The following CCSER1 variants were observed in gnomAD, a reference collection of about 807,000 sequenced individuals.
CCSER1 encodes the protein coiled-coil serine rich protein 1.
Under a neutral mutation model 82.0 loss-of-function variants are expected in CCSER1, and 41 were observed. The ratio of observed to expected loss-of-function variants is 0.50; its 90% CI spans 0.39 to 0.65. The LOEUF (loss-of-function observed/expected upper bound fraction) is 0.65, where lower values mean the gene tolerates loss of function less well. Ranked by LOEUF, CCSER1 falls within the 30% of genes least tolerant of loss-of-function variation. The pLI, the probability that CCSER1 is intolerant of heterozygous loss-of-function variation, is 0.00. For missense variants in CCSER1, 1,119 were observed against 1,064.2 expected (o/e 1.05, Z -0.72); for synonymous variants, 414 against 383.9 (o/e 1.08, Z -0.92).
intron 3 of CCSER1, among the ~76,000 whole-genome samples, chr4:90,353,181 C>T (rs927370445): frequency 6.6e-6 from 1 of 151,910 alleles, no homozygotes; most frequent in Non-Finnish European, 1.5e-5. Flanking sequence ...ATTATTTATA[C>T]TGGGCATTTG....
chr4:91,211,734 A>G (rs1464946117), intron 10 of CCSER1, among the ~76,000 whole-genome samples: 1 of 152,072 alleles, frequency 6.6e-6, no homozygotes, highest in Non-Finnish European at 1.5e-5. Context: ...GGATAATAAT[A>G]TCTACTTCAT....
chr4:90,220,391 A>G (rs1028391279), intron 1 of CCSER1, among the ~76,000 whole-genome samples: 1 of 148,890 alleles, frequency 6.7e-6, no homozygotes, highest in African/African-American at 2.5e-5. Flanking sequence ...TTCTTCTATG[A>G]TTTTTTTTTT....
intron 10 of CCSER1, among the ~76,000 whole-genome samples, chr4:91,196,938 A>G (rs547556917): frequency 2.6e-5 from 4 of 152,244 alleles, no homozygotes; most frequent in Non-Finnish European, 4.4e-5. Flanking sequence ...TTTAGTGCCT[A>G]TATTGGTCAG....
chr4:90,624,215 C>G (rs17017292), intron 5 of CCSER1, among the ~76,000 whole-genome samples: 4,330 of 152,180 alleles, frequency 0.028, 120 homozygotes, highest in African/African-American at 0.068. Context: ...TGAAAGATGT[C>G]ATTGCACTAA....
At chr4:91,010,236 T>C (rs1738898004) in intron 9 of CCSER1, among the ~76,000 whole-genome samples, 1 of 152,202 alleles carries the variant, frequency 6.6e-6, no homozygotes, top group Non-Finnish European at 1.5e-5. Context: ...TGTAATCTCA[T>C]TCTCTACTGG....
At chr4:90,985,854 C>T (rs144882218) in intron 9 of CCSER1, among the ~76,000 whole-genome samples, 23 of 151,598 alleles carry the variant, frequency 1.5e-4, no homozygotes, top group Admixed American at 3.3e-4. Context: ...TGACAAAATA[C>T]TGTTAGGAGC....
At chr4:90,692,041 A>G (rs1399052922) in intron 6 of CCSER1, among the ~76,000 whole-genome samples, 2 of 13,126 alleles carry the variant, frequency 1.5e-4, no homozygotes, top group African/African-American at 2.4e-4. Context: ...GTGTGTATAT[A>G]TATATATATA....
intron 5 of CCSER1, among the ~76,000 whole-genome samples, chr4:90,588,776 T>G (rs951495160): frequency 6.6e-6 from 1 of 152,148 alleles, no homozygotes; most frequent in African/African-American, 2.4e-5. Context: ...AGGTTTCCCC[T>G]TTTGCTTGGC....
chr4:90,756,149 A>T (rs1322898342), intron 7 of CCSER1, among the ~76,000 whole-genome samples: 1 of 152,182 alleles, frequency 6.6e-6, no homozygotes, highest in Non-Finnish European at 1.5e-5. Context: ...AATTGCTTGA[A>T]TCCGGGAGAC....
chr4:90,926,757 T>G (rs1729115950), intron 9 of CCSER1, among the ~76,000 whole-genome samples: 1 of 152,046 alleles, frequency 6.6e-6, no homozygotes, highest in Admixed American at 6.6e-5. Context: ...GTGTCTTAAA[T>G]AATCAATGCC....
intron 1 of CCSER1, among the ~76,000 whole-genome samples, chr4:90,298,024 G>A (rs1238205486): frequency 1.3e-5 from 2 of 152,108 alleles, no homozygotes; most frequent in Non-Finnish European, 2.9e-5. Flanking sequence ...GAGTTAGGGA[G>A]GATCCCCTCT....
At chr4:90,988,964 T>C (rs1736808231) in intron 9 of CCSER1, among the ~76,000 whole-genome samples, 2 of 151,768 alleles carry the variant, frequency 1.3e-5, no homozygotes, top group South Asian at 2.1e-4. Flanking sequence ...ATCTCCAAGT[T>C]GGAAAATGAA....
chr4:90,643,365 A>T (rs1459692525), intron 6 of CCSER1, among the ~76,000 whole-genome samples: 1 of 152,202 alleles, frequency 6.6e-6, no homozygotes, highest in Non-Finnish European at 1.5e-5. Context: ...CTGTCATCCT[A>T]TACTACTTCA....
chr4:90,370,189 C>G (rs1015075871), intron 3 of CCSER1: 4 of 152,112 alleles, frequency 2.6e-5, no homozygotes, highest in African/African-American at 9.7e-5. Context: ...GGCTGCTTTG[C>G]CTGGCAAGGA....
chr4:91,279,438 A>AT (rs200554829), intron 10 of CCSER1, among the ~76,000 whole-genome samples: 2 of 151,506 alleles, frequency 1.3e-5, no homozygotes, highest in East Asian at 1.9e-4. Flanking sequence ...ATTTATTTTT[A>AT]TTTTTTTTCC....
chr4:91,558,881 A>G (rs1762528606), intron 10 of CCSER1, among the ~76,000 whole-genome samples: 2 of 151,692 alleles, frequency 1.3e-5, no homozygotes, highest in East Asian at 1.9e-4. Context: ...CCATATCACC[A>G]TTAATAATAC....
intron 10 of CCSER1, among the ~76,000 whole-genome samples, chr4:91,301,572 A>G (rs1459866501): frequency 4.0e-5 from 6 of 151,014 alleles, no homozygotes; most frequent in African/African-American, 7.3e-5. Context: ...AAAATAGAAC[A>G]GAGGGATATA....
At chr4:90,468,152 A>C (rs1045476163) in intron 4 of CCSER1, 82 bp from the exon 5 acceptor site, 41 of 1,194,698 alleles carry the variant, frequency 3.4e-5, no homozygotes, top group Admixed American at 8.6e-5. Flanking sequence ...TATTAGACTA[A>C]ATATAGAAAG....
At chr4:90,167,813 T>C (rs1730791489) in intron 1 of CCSER1, among the ~76,000 whole-genome samples, 1 of 152,230 alleles carries the variant, frequency 6.6e-6, no homozygotes, top group Non-Finnish European at 1.5e-5. Flanking sequence ...CTCATCCTTT[T>C]TTATGGCTGC....
Sources: gnomAD v4.1 joint callset for allele counts (sites outside exome capture counted in the v4.1 genomes callset) on GRCh38, gnomAD v4.1.1 for gene constraint, MANE v1.5 for transcripts, NCBI Gene and HGNC (gene_info 2026-07-23, HGNC 2026-07-21) for gene names.